Variants in LRP1B observed in about 807,000 individuals in gnomAD.
The protein encoded by LRP1B is low-density lipoprotein receptor-related protein 1B.
Under a neutral mutation model 556.6 loss-of-function variants are expected in LRP1B, and 217 were observed. The ratio of observed to expected loss-of-function variants is 0.39; its 90% confidence interval spans 0.35 to 0.44. The LOEUF is 0.44. Among genes scored for constraint, LRP1B ranks in the 20% least tolerant of loss-of-function variants. The pLI is 1.00. For missense variants in LRP1B, 5,053 were observed against 5,620.8 expected, an observed-to-expected ratio of 0.90 and a Z score of 3.23; for synonymous variants, 2,047 against 1,865.8, an observed-to-expected ratio of 1.10 and a Z score of -2.50.
rs545851486 is a variant in LRP1B, at chr2:140,593,053, T to C, written c.7194+5578A>G. ...TTCTGATTGTTCTTAGAATTAAAAC[T>C]AGTTTATTTATTTAACTTGCTCTCC... is the stretch of plus-strand genomic sequence containing the variant. On this transcript the variant is annotated intron_variant, in intron 43 of 90. Coordinates refer to ENST00000389484, the MANE Select transcript of LRP1B (RefSeq NM_018557.3). 5.3e-5 allele frequency among the ~76,000 whole-genome samples: 8 copies of C among 152,310 alleles called. No homozygotes were observed. In the South Asian group the frequency reaches 1.7e-3, roughly 32 times the overall value.
intron 66 of LRP1B, among the ~76,000 whole-genome samples, chr2:140,420,533 T>C (rs1685392350): frequency 1.3e-5 from 2 of 152,234 alleles, no homozygotes; most frequent in African/African-American, 2.4e-5. Flanking sequence ...AGAAGTTATA[T>C]GTCCATACAA....
At chr2:141,320,512 G>A (rs1422702040) in intron 3 of LRP1B, among the ~76,000 whole-genome samples, 1 of 152,054 alleles carries the variant, frequency 6.6e-6, no homozygotes, top group Non-Finnish European at 1.5e-5. Flanking sequence ...AGACACTGAT[G>A]CGGAGGACCA....
chr2:140,607,840 G>A (rs190651754), intron 41 of LRP1B, among the ~76,000 whole-genome samples: 1 of 152,074 alleles, frequency 6.6e-6, no homozygotes, highest in Non-Finnish European at 1.5e-5. Context: ...CTTCACAAAT[G>A]ATTAACATGG....
chr2:141,451,110 A>T (rs1285036945), intron 3 of LRP1B, among the ~76,000 whole-genome samples: 1 of 152,162 alleles, frequency 6.6e-6, no homozygotes, highest in East Asian at 1.9e-4. Context: ...TACTGGGACG[A>T]CTGAGGCTAA....
At chr2:140,321,361 T>C (rs2105051295) in intron 82 of LRP1B, among the ~76,000 whole-genome samples, 1 of 150,512 alleles carries the variant, frequency 6.6e-6, no homozygotes, top group South Asian at 2.1e-4. Flanking sequence ...ATCCATTTTG[T>C]TTCTGTTAGT....
Position 140,270,284 on chromosome 2 carries a change from C to T in LRP1B, c.13205G>A (p.Gly4402Asp), listed in dbSNP as rs2104943817. ...TGTCTCGGGGTCCAGCTGGCATGTG[C>T]CACCATTGTAACAGTAGCCATCACA... The part of the protein sequence containing the change: ...QLCDGYCYNG[G>D]TCQLDPETNV... The change falls in exon 86 of 91, where the codon GGC becomes GAC. Residue 4402 changes from glycine to aspartate, a missense_variant. This residue lies in a region of LRP1B where 551 missense variants were observed against 592.0 expected (regional missense o/e 0.93). Coordinates refer to ENST00000389484, the MANE Select transcript of LRP1B (RefSeq NM_018557.3). The T allele has an allele frequency of 3.1e-6, 5 of 1,611,944 alleles. No homozygotes were observed. The highest frequency in any genetic ancestry group is 4.2e-6 in the Non-Finnish European group (5 of 1,178,604).
chr2:140,774,466 T>C lies in LRP1B; in HGVS notation c.5500+1632A>G, dbSNP rs576004613. The stretch of plus-strand genomic sequence containing the variant: ...AATTATATCTAGAAAATTTGACATG[T>C]ATATTTACAGCTTAAAACAAAGCAT... On this transcript the variant is annotated intron_variant, in intron 33 of 90. Transcript: ENST00000389484. Among the ~76,000 whole-genome samples the C allele has an allele frequency of 4.6e-5, 7 of 152,280 alleles. No homozygotes were observed. The South Asian group carries it at 1.4e-3, about 32-fold the overall frequency.
intron 2 of LRP1B, among the ~76,000 whole-genome samples, chr2:141,566,971 T>C (rs1686354626): frequency 6.6e-6 from 1 of 152,192 alleles, no homozygotes; most frequent in South Asian, 2.1e-4. Context: ...TCACTAAGGG[T>C]TATCTTAATT....
chr2:141,713,459 C>T (rs189259577), intron 2 of LRP1B, among the ~76,000 whole-genome samples: 2 of 152,244 alleles, frequency 1.3e-5, no homozygotes, highest in Admixed American at 6.5e-5. Flanking sequence ...TTTGAGGAAA[C>T]GGTGAGGCTA....
intron 1 of LRP1B, among the ~76,000 whole-genome samples, chr2:141,981,146 C>T (rs1486196359): frequency 6.6e-6 from 1 of 152,104 alleles, no homozygotes; most frequent in East Asian, 1.9e-4. Context: ...TGAGAAGAGA[C>T]CATCTACTGC....
intron 18 of LRP1B, among the ~76,000 whole-genome samples, chr2:140,967,735 A>G (rs1696276837): frequency 6.6e-6 from 1 of 151,998 alleles, no homozygotes; most frequent in Non-Finnish European, 1.5e-5. Flanking sequence ...ATTTATTGAG[A>G]GTTTTTAGCA....
intron 1 of LRP1B, among the ~76,000 whole-genome samples, chr2:142,062,486 A>G (rs1704957396): frequency 6.6e-6 from 1 of 151,842 alleles, no homozygotes; most frequent in Non-Finnish European, 1.5e-5. Context: ...CTTCAACTAT[A>G]AGATGAAAGC....
chr2:141,248,941 C>G (rs1271878057), intron 4 of LRP1B, among the ~76,000 whole-genome samples: 1 of 151,994 alleles, frequency 6.6e-6, no homozygotes, highest in African/African-American at 2.4e-5. Flanking sequence ...GTAGAATAGA[C>G]AACATTTGAA....
intron 41 of LRP1B, 141 bp downstream of exon 41, chr2:140,700,109 G>A: frequency 1.4e-6 from 1 of 739,388 alleles, no homozygotes; most frequent in Non-Finnish European, 2.2e-6. Context: ...GGGGGGTGAG[G>A]GTTAGATGAT....
chr2:141,206,272 G>A (rs2105238089), intron 6 of LRP1B, among the ~76,000 whole-genome samples: 1 of 152,132 alleles, frequency 6.6e-6, no homozygotes, highest in South Asian at 2.1e-4. Context: ...TAAGTACCTA[G>A]GGTAAGGAAC....
chr2:140,263,246 AC>A (rs1481549968), intron 86 of LRP1B, among the ~76,000 whole-genome samples: 1 of 152,062 alleles, frequency 6.6e-6, no homozygotes, highest in Admixed American at 6.6e-5. Flanking sequence ...TAGACTGGCC[AC>A]CCGTGGATCT....
chr2:140,757,019 C>A (rs1447418339), intron 35 of LRP1B, among the ~76,000 whole-genome samples: 2 of 152,086 alleles, frequency 1.3e-5, no homozygotes, highest in Non-Finnish European at 2.9e-5. Context: ...ATAGACATTT[C>A]TTCATATACA....
intron 1 of LRP1B, among the ~76,000 whole-genome samples, chr2:142,055,528 T>G (rs1704637346): frequency 6.6e-6 from 1 of 152,186 alleles, no homozygotes; most frequent in Non-Finnish European, 1.5e-5. Flanking sequence ...CGTATAGACA[T>G]TTGAGCCTTA....
At chr2:141,526,358 A>G (rs1279830121) in intron 2 of LRP1B, among the ~76,000 whole-genome samples, 1 of 152,052 alleles carries the variant, frequency 6.6e-6, no homozygotes. Flanking sequence ...CTCAAGCAGT[A>G]AAGGCAAAAA....
Sources: allele counts gnomAD v4.1 joint callset (sites outside exome capture counted in the v4.1 genomes callset), GRCh38; gene constraint gnomAD v4.1.1; regional missense constraint gnomAD v4.1.1; transcripts MANE v1.5; gene names NCBI Gene and HGNC (gene_info 2026-07-23, HGNC 2026-07-21).